The following IKZF1 variants were observed in gnomAD, a reference collection of about 807,000 sequenced individuals.
The protein encoded by IKZF1 is IKAROS family zinc finger 1.
In IKZF1, 10 loss-of-function variants were observed where a neutral mutation model predicts 51.7. The observed-to-expected ratio is 0.19, with a 90% CI of 0.12 to 0.33. The LOEUF (loss-of-function observed/expected upper bound fraction) is 0.33, where lower values mean the gene tolerates loss of function less well. Among genes scored for constraint, IKZF1 ranks in the 10% least tolerant of loss-of-function variants. The pLI is 1.00. For missense variants in IKZF1, 484 were observed against 707.5 expected, an observed-to-expected ratio of 0.68 and a Z score of 3.58; for synonymous variants, 280 against 282.3, an observed-to-expected ratio of 0.99 and a Z score of 0.08.
In IKZF1 at chr7:50,403,787, A is replaced by T; in HGVS notation, c.*3160A>T. ...GCTGCCTGAGATGTAGTTTTGTTAT[A>T]TGGTTCCCCACCGACCATTTTTGTG... is the stretch of plus-strand genomic sequence containing the variant. On this transcript the variant is annotated 3_prime_UTR_variant, in exon 8 of 8. Coordinates refer to ENST00000331340, the MANE Select transcript of IKZF1 (RefSeq NM_006060.6). 1 of 227,156 alleles carries T rather than the reference A, an allele frequency of 4.4e-6. No homozygotes were observed. The highest frequency in any genetic ancestry group is 6.3e-5 in the East Asian group (1 of 15,856). The allele number at this position is 227,156 out of a possible 1,614,324, so 14.1% of individuals were successfully genotyped here. A position where few individuals can be genotyped will look rare whatever the true frequency, so the allele number is the denominator to read the frequency against.
At chr7:50,394,585 G>T (rs1816149088) in intron 7 of IKZF1, among the ~76,000 whole-genome samples, 1 of 152,162 alleles carries the variant, frequency 6.6e-6, no homozygotes, top group South Asian at 2.1e-4. Context: ...TGGGTCTGTT[G>T]CCCTGCCTCC....
chr7:50,382,497 ACG>A, intron 4 of IKZF1, 41 bp from the exon 5 acceptor site: 1 of 1,581,948 alleles, frequency 6.3e-7, no homozygotes, highest in Non-Finnish European at 8.6e-7. Context: ...TCATGTCCCC[ACG>A]CTGAGTTTAG....
intron 1 of IKZF1, among the ~76,000 whole-genome samples, chr7:50,310,263 A>G (rs770887427): frequency 3.3e-4 from 50 of 152,310 alleles, no homozygotes; most frequent in Non-Finnish European, 6.5e-4. Context: ...AGAGCAGACA[A>G]TGTTTTGTTA....
intron 7 of IKZF1, among the ~76,000 whole-genome samples, chr7:50,397,167 G>A (rs1816933880): frequency 6.6e-6 from 1 of 152,208 alleles, no homozygotes; most frequent in Non-Finnish European, 1.5e-5. Context: ...TACATCTCAT[G>A]TCAGAATTTT....
chr7:50,327,089 G>C (rs1795219830), intron 2 of IKZF1, among the ~76,000 whole-genome samples: 1 of 152,178 alleles, frequency 6.6e-6, no homozygotes, highest in Non-Finnish European at 1.5e-5. Context: ...TGCCTTTTAT[G>C]CAGTGATAAA....
intron 3 of IKZF1, chr7:50,328,190 A>C (rs1795578086): frequency 6.5e-6 from 1 of 153,856 alleles, no homozygotes; most frequent in Non-Finnish European, 1.4e-5. Flanking sequence ...CTAGTTCTTA[A>C]ATTTCAGATT....
chr7:50,304,959 T>C (rs1202216162), intron 1 of IKZF1, 37 bp downstream of exon 1: 1 of 152,322 alleles, frequency 6.6e-6, no homozygotes, highest in East Asian at 1.9e-4. Flanking sequence ...TAGGAAAACT[T>C]GGGGTAACTG....
chr7:50,381,059 T>G (rs1253128603), intron 4 of IKZF1, among the ~76,000 whole-genome samples: 3 of 152,178 alleles, frequency 2.0e-5, no homozygotes, highest in Admixed American at 1.3e-4. Flanking sequence ...TGGCCTATAA[T>G]TGAACATCAC....
At chr7:50,306,316 T>A (rs1056235182) in intron 1 of IKZF1, among the ~76,000 whole-genome samples, 6 of 152,220 alleles carry the variant, frequency 3.9e-5, no homozygotes, top group African/African-American at 1.4e-4. Context: ...AAAAAAAACG[T>A]GACTCTTAAG....
intron 6 of IKZF1, among the ~76,000 whole-genome samples, chr7:50,389,454 T>C (rs1269952832): frequency 6.6e-6 from 1 of 152,194 alleles, no homozygotes; most frequent in East Asian, 1.9e-4. Context: ...GTGGTTAAGT[T>C]ACTTGGACTA....
intron 3 of IKZF1, among the ~76,000 whole-genome samples, chr7:50,336,737 T>A (rs946283616): frequency 6.6e-6 from 1 of 152,132 alleles, no homozygotes; most frequent in East Asian, 1.9e-4. Flanking sequence ...TTCTGCTGAA[T>A]GCAATGGGAA....
chr7:50,311,495 A>C (rs1790168969), intron 1 of IKZF1, among the ~76,000 whole-genome samples: 1 of 152,224 alleles, frequency 6.6e-6, no homozygotes, highest in African/African-American at 2.4e-5. Flanking sequence ...GTTATTTTTA[A>C]TAAATATACA....
chr7:50,327,610 G>C (rs535641408), intron 2 of IKZF1, 28 bp from the exon 3 acceptor site: 9 of 1,587,018 alleles, frequency 5.7e-6, no homozygotes, highest in Non-Finnish European at 6.9e-6. Context: ...ATGACCGCCC[G>C]AGACTCACAC....
chr7:50,344,214 A>T (rs1195327975), intron 3 of IKZF1, among the ~76,000 whole-genome samples: 1 of 152,248 alleles, frequency 6.6e-6, no homozygotes, highest in Admixed American at 6.5e-5. Context: ...TTTCCTAAGT[A>T]TATGACATGT....
At chr7:50,361,852 GT>G (rs1805348261) in intron 3 of IKZF1, among the ~76,000 whole-genome samples, 1 of 151,976 alleles carries the variant, frequency 6.6e-6, no homozygotes, top group South Asian at 2.1e-4. Context: ...CTCCAGCCTG[GT>G]GACAGAGCAA....
chr7:50,379,731 G>T (rs1811317376), intron 4 of IKZF1, among the ~76,000 whole-genome samples: 3 of 152,182 alleles, frequency 2.0e-5, no homozygotes, highest in Admixed American at 2.0e-4. Context: ...TAATGGCACT[G>T]CTCCTCCCAG....
chr7:50,358,884 T>C (rs1804360442), intron 3 of IKZF1, among the ~76,000 whole-genome samples: 1 of 152,214 alleles, frequency 6.6e-6, no homozygotes, highest in Non-Finnish European at 1.5e-5. Context: ...GACATAAGTT[T>C]ACATGAAACG....
intron 3 of IKZF1, chr7:50,328,061 A>G (rs1288554692): frequency 3.5e-6 from 1 of 284,328 alleles, no homozygotes; most frequent in African/African-American, 2.2e-5. Flanking sequence ...CAGGAATATC[A>G]AATGTTATGG....
At chr7:50,398,013 C>G (rs1817166466) in intron 7 of IKZF1, among the ~76,000 whole-genome samples, 1 of 152,186 alleles carries the variant, frequency 6.6e-6, no homozygotes, top group Non-Finnish European at 1.5e-5. Context: ...TATTCCTGGA[C>G]AATTCTTAAT....
Sources: gnomAD v4.1 joint callset for allele counts (sites outside exome capture counted in the v4.1 genomes callset) on GRCh38, gnomAD v4.1.1 for gene constraint, MANE v1.5 for transcripts, NCBI Gene and HGNC (gene_info 2026-07-23, HGNC 2026-07-21) for gene names.